CACNB2: variants seen among roughly 807,000 people sequenced by gnomAD.
CACNB2 encodes calcium voltage-gated channel auxiliary subunit beta 2.
CACNB2 carries 42 observed loss-of-function variants against 73.3 expected under a neutral mutation model. The observed-to-expected ratio is 0.57, with a 90% CI of 0.45 to 0.74. CACNB2 has a LOEUF of 0.74. Ranked by LOEUF, CACNB2 falls within the 30% of genes least tolerant of loss-of-function variation. CACNB2 has a pLI of 0.00. For missense variants in CACNB2, 940 were observed against 853.0 expected (o/e 1.10, Z -1.27); for synonymous variants, 348 against 310.3 (o/e 1.12, Z -1.28).
At chr10:18,361,971 T>C (rs1255342988) in intron 2 of CACNB2, among the ~76,000 whole-genome samples, 1 of 152,208 alleles carries the variant, frequency 6.6e-6, no homozygotes, top group African/African-American at 2.4e-5. Flanking sequence ...AACTTCCATA[T>C]TATTACTGCT....
At chr10:18,367,991 G>A (rs2042425287) in intron 2 of CACNB2, among the ~76,000 whole-genome samples, 2 of 152,092 alleles carry the variant, frequency 1.3e-5, no homozygotes, top group South Asian at 4.1e-4. Context: ...TACTGAAAAC[G>A]AAATTCCCTT....
At chr10:18,426,752 A>G (rs774776905) in intron 3 of CACNB2, among the ~76,000 whole-genome samples, 2 of 152,142 alleles carry the variant, frequency 1.3e-5, no homozygotes, top group Non-Finnish European at 2.9e-5. Flanking sequence ...ATTATTTTTC[A>G]TCTTACCGTA....
At chr10:18,366,764 C>A (rs369167763) in intron 2 of CACNB2, among the ~76,000 whole-genome samples, 2 of 151,706 alleles carry the variant, frequency 1.3e-5, no homozygotes, top group African/African-American at 4.8e-5. Flanking sequence ...CACACTCCAG[C>A]CTGGGCAACA....
chr10:18,261,360 T>C, intron 2 of CACNB2: 1 of 1,551,482 alleles, frequency 6.4e-7, no homozygotes, highest in Non-Finnish European at 8.7e-7. Context: ...GAGCTGAAAA[T>C]ACTATTCGTG....
At chr10:18,231,436 C>T (rs2036221935) in intron 2 of CACNB2, among the ~76,000 whole-genome samples, 1 of 152,226 alleles carries the variant, frequency 6.6e-6, no homozygotes, top group African/African-American at 2.4e-5. Flanking sequence ...GCCTCGGCCT[C>T]CCAAAGTGCT....
At chr10:18,461,789 C>T (rs550898069) in intron 3 of CACNB2, among the ~76,000 whole-genome samples, 816 of 38,900 alleles carry the variant, frequency 0.021, 19 homozygotes, top group African/African-American at 0.075. Flanking sequence ...TTTTTTTTGG[C>T]GTTGTACCAT....
intron 2 of CACNB2, among the ~76,000 whole-genome samples, chr10:18,388,276 A>C (rs2043318287): frequency 6.6e-6 from 1 of 152,240 alleles, no homozygotes; most frequent in Non-Finnish European, 1.5e-5. Flanking sequence ...TATTTTATTA[A>C]ACGTTCTGAA....
intron 2 of CACNB2, among the ~76,000 whole-genome samples, chr10:18,292,850 C>T (rs2039122690): frequency 6.6e-6 from 1 of 152,090 alleles, no homozygotes; most frequent in South Asian, 2.1e-4. Context: ...CTATTCTGTA[C>T]AGAAAGTTGT....
At position 18,321,210 on chromosome 10, in the gene CACNB2, C is replaced by T. The variant is rs573874723; in HGVS notation, c.214-80714C>T. Among the ~76,000 whole-genome samples, 6 of 152,248 alleles carry T rather than the reference C, an allele frequency of 3.9e-5. No individual in the cohort carries two copies. In the South Asian group the frequency reaches 1.2e-3, roughly 32 times the overall value. On this transcript the variant is annotated intron_variant, in intron 2 of 13. Transcript: ENST00000324631. ...GATAAGTGGGAAGTTGATATTGAGCCTCTGATTACTCTGAACACCTTCCCT... is the reference window on the plus strand; with the variant it reads ...GATAAGTGGGAAGTTGATATTGAGCTTCTGATTACTCTGAACACCTTCCCT...
intron 2 of CACNB2, among the ~76,000 whole-genome samples, chr10:18,374,959 G>C (rs1023825286): frequency 2.6e-5 from 4 of 152,156 alleles, no homozygotes; most frequent in Non-Finnish European, 5.9e-5. Context: ...GCAAAAGCCT[G>C]TGTCCCTAAG....
chr10:18,209,618 G>T (rs1259854380), intron 2 of CACNB2, among the ~76,000 whole-genome samples: 1 of 151,794 alleles, frequency 6.6e-6, no homozygotes, highest in Non-Finnish European at 1.5e-5. Flanking sequence ...GGGAAGAATT[G>T]ACTATATTAG....
intron 3 of CACNB2, among the ~76,000 whole-genome samples, chr10:18,469,120 G>T (rs1322635073): frequency 6.6e-6 from 1 of 152,124 alleles, no homozygotes; most frequent in Non-Finnish European, 1.5e-5. Context: ...ATGCATGGTG[G>T]TCCCAGCTAC....
At chr10:18,262,185 A>C (rs890623158) in intron 2 of CACNB2, among the ~76,000 whole-genome samples, 6 of 152,166 alleles carry the variant, frequency 3.9e-5, no homozygotes, top group African/African-American at 1.4e-4. Context: ...TCAATACTTA[A>C]AGTATTGAAG....
chr10:18,178,874 T>C (rs1269864130), intron 2 of CACNB2, among the ~76,000 whole-genome samples: 2 of 152,210 alleles, frequency 1.3e-5, no homozygotes, highest in East Asian at 1.9e-4. Context: ...AATAGACCCC[T>C]GGGAGATGCT....
At chr10:18,220,276 A>AGAGAGAGAGAGAGAGAG (rs1564354242) in intron 2 of CACNB2, among the ~76,000 whole-genome samples, 2 of 55,214 alleles carry the variant, frequency 3.6e-5, no homozygotes, top group East Asian at 6.0e-4. Flanking sequence ...GAGAGAGAGA[A>AGAGAGAGAGAGAGAGAG]AGAGAGAGAA....
At chr10:18,208,821 G>A (rs911111900) in intron 2 of CACNB2, among the ~76,000 whole-genome samples, 1 of 151,236 alleles carries the variant, frequency 6.6e-6, no homozygotes, top group Non-Finnish European at 1.5e-5. Context: ...TAGAAGATAC[G>A]ACGTTTAGAG....
chr10:18,369,291 ATT>A (rs1354284914), intron 2 of CACNB2, among the ~76,000 whole-genome samples: 2 of 152,170 alleles, frequency 1.3e-5, no homozygotes, highest in Admixed American at 6.5e-5. Flanking sequence ...TGAATCAAAT[ATT>A]GTTTGTGCTA....
chr10:18,234,477 G>A (rs896822803), intron 2 of CACNB2, among the ~76,000 whole-genome samples: 1 of 152,158 alleles, frequency 6.6e-6, no homozygotes, highest in African/African-American at 2.4e-5. Flanking sequence ...TAGCCAAAAA[G>A]ATGGAGGCAA....
intron 2 of CACNB2, among the ~76,000 whole-genome samples, chr10:18,319,774 ACT>A (rs1181172737): frequency 6.6e-6 from 1 of 152,052 alleles, no homozygotes; most frequent in African/African-American, 2.4e-5. Context: ...AGAGTGAAGG[ACT>A]CTCTAATGAG....
Sources: gnomAD v4.1 joint callset for allele counts (sites outside exome capture counted in the v4.1 genomes callset) on GRCh38, gnomAD v4.1.1 for gene constraint, MANE v1.5 for transcripts, NCBI Gene and HGNC (gene_info 2026-07-23, HGNC 2026-07-21) for gene names.